Variants in HDHD2 observed in about 807,000 individuals in gnomAD.
The protein encoded by HDHD2 is haloacid dehalogenase-like hydrolase domain-containing protein 2.
HDHD2 carries 26 observed loss-of-function variants against 24.8 expected under a neutral mutation model. That is an observed-to-expected ratio of 1.05 (90% confidence interval 0.77 to 1.45). HDHD2 has a LOEUF of 1.45. Among genes scored for constraint, HDHD2 ranks in the 40% most tolerant of loss-of-function variants. The pLI, the probability that HDHD2 is intolerant of heterozygous loss-of-function variation, is 0.00. For synonymous variants in HDHD2, 128 were observed against 114.9 expected, an observed-to-expected ratio of 1.11 and a Z score of -0.73; for missense variants, 299 against 313.4, an observed-to-expected ratio of 0.95 and a Z score of 0.35.
intron 4 of HDHD2, among the ~76,000 whole-genome samples, chr18:47,122,040 T>C (rs900674987): frequency 2.0e-5 from 3 of 152,192 alleles, no homozygotes; most frequent in Non-Finnish European, 4.4e-5. Context: ...CCTTATCCTA[T>C]TGTGTTTGGT....
intron 6 of HDHD2, chr18:47,110,669 G>A: frequency 1.0e-5 from 10 of 985,320 alleles, no homozygotes; most frequent in Non-Finnish European, 1.2e-5. Flanking sequence ...CGTTCGTTGA[G>A]TGAATGGAGC....
At chr18:47,144,458 G>C (rs72907250) in intron 1 of HDHD2, among the ~76,000 whole-genome samples, 3,997 of 152,232 alleles carry the variant, frequency 0.026, 60 homozygotes, top group Non-Finnish European at 0.041. Flanking sequence ...CAGAGAATTT[G>C]GAACCATAAA....
chr18:47,137,235 C>T (rs952374957), intron 1 of HDHD2: 7 of 604,950 alleles, frequency 1.2e-5, no homozygotes, highest in Non-Finnish European at 2.2e-5. Context: ...ACAGACATAC[C>T]TGCACATTTG....
rs184753256 is a variant in HDHD2 at position 47,110,153 on chromosome 18, C to A, written c.677-1368G>T. On this transcript the variant is annotated intron_variant, in intron 6 of 6. Transcript: ENST00000300605. Reference sequence around the variant, plus strand: ...TCAACAAGAGACCTACTGTTTTCTACAACTACTTTAAGAGGCTTTGCCAGA... The same window carrying A: ...TCAACAAGAGACCTACTGTTTTCTAAAACTACTTTAAGAGGCTTTGCCAGA... The A allele has an allele frequency of 5.4e-4, 536 of 985,400 alleles. 5 individuals carry two copies. The African/African-American group carries it at 8.8e-3, about 16-fold the overall frequency. 61.0% of individuals were successfully genotyped at this position (985,400 alleles called of 1,614,324 possible).
At chr18:47,142,171 A>G (rs1217258747) in intron 1 of HDHD2, among the ~76,000 whole-genome samples, 1 of 152,210 alleles carries the variant, frequency 6.6e-6, no homozygotes, top group Non-Finnish European at 1.5e-5. Context: ...GAACTAGTAC[A>G]GATTTTTAGA....
intron 4 of HDHD2, among the ~76,000 whole-genome samples, chr18:47,126,574 T>C (rs894046037): frequency 1.1e-4 from 17 of 152,138 alleles, no homozygotes; most frequent in African/African-American, 3.9e-4. Flanking sequence ...TTAACAAAAC[T>C]TCAAATACAT....
intron 1 of HDHD2, among the ~76,000 whole-genome samples, chr18:47,142,733 T>C (rs531523735): frequency 1.3e-5 from 2 of 152,328 alleles, no homozygotes; most frequent in South Asian, 4.1e-4. Context: ...CACAGGATCT[T>C]CGATTATCTG....
At chr18:47,122,511 G>GCGGT (rs2063617029) in intron 4 of HDHD2, among the ~76,000 whole-genome samples, 1 of 152,116 alleles carries the variant, frequency 6.6e-6, no homozygotes, top group Non-Finnish European at 1.5e-5. Context: ...GGGCAAAACT[G>GCGGT]TCCCTGATTG....
intron 4 of HDHD2, among the ~76,000 whole-genome samples, chr18:47,124,706 CAAAAAAAAAAAA>C (rs34350751): frequency 2.3e-5 from 1 of 43,370 alleles, no homozygotes; most frequent in Non-Finnish European, 3.9e-5. Context: ...AACTCTGACT[CAAAAAAAAAAAA>C]AAAAAAAAAA....
chr18:47,150,135 T>TCCGCC (rs59657623), intron 1 of HDHD2: 7,987 of 152,278 alleles, frequency 0.052, 257 homozygotes, highest in East Asian at 0.091. Flanking sequence ...AGCTTCACGA[T>TCCGCC]CCGCCCCGCA....
rs1406852466 is a variant in HDHD2, at chr18:47,107,818, G to C, written c.*864C>G. 1 of 152,602 alleles carries C rather than the reference G, an allele frequency of 6.6e-6. No homozygotes were observed. The highest frequency in any genetic ancestry group is 1.9e-4 in the East Asian group (1 of 5,202). 9.5% of individuals were successfully genotyped at this position (152,602 alleles called of 1,614,324 possible). ...AATAATGAAATCTTGCAAATGTACA[G>C]TTAATAGGACCCTAGTGGACACTAA... On this transcript the variant is annotated 3_prime_UTR_variant, in exon 7 of 7. Transcript: ENST00000300605.
At chr18:47,148,358 T>G (rs2144403257) in intron 1 of HDHD2, among the ~76,000 whole-genome samples, 1 of 152,356 alleles carries the variant, frequency 6.6e-6, no homozygotes, top group African/African-American at 2.4e-5. Flanking sequence ...TGTAAAATAC[T>G]AATATAACCC....
chr18:47,115,329 G>A lies in HDHD2; in HGVS notation c.415C>T (p.Pro139Ser), dbSNP rs2063549784. The change falls in exon 5 of 7, where the codon CCT becomes TCT. Residue 139 changes from proline (P) to serine (S), a missense_variant. Pro to Ser is a moderately conservative substitution (Grantham distance 74). Transcript: ENST00000300605. ...CTGGCTTTGTGGATTGCTATCAGAG[G>A]TGCTCCATCCAGGAGTAACCTAGAG... The part of the protein sequence containing the change: ...QAFRLLLDGA[P>S]LIAIHKARYY... 2.5e-6 allele frequency: 4 copies of A among 1,613,656 alleles called. No individual in the cohort carries two copies. The highest frequency in any genetic ancestry group is 1.3e-5 in the African/African-American group (1 of 74,862).
chr18:47,146,209 G>T, intron 1 of HDHD2, among the ~76,000 whole-genome samples: 1 of 138,266 alleles, frequency 7.2e-6, no homozygotes, highest in East Asian at 2.1e-4. Flanking sequence ...CAGCCTGGGC[G>T]ACAGAGCAAG....
intron 3 of HDHD2, among the ~76,000 whole-genome samples, chr18:47,132,808 A>C (rs1339139586): frequency 6.6e-6 from 1 of 152,228 alleles, no homozygotes; most frequent in African/African-American, 2.4e-5. Context: ...TGACTTTTCC[A>C]AAGAGAAACA....
At chr18:47,141,592 T>C (rs1261374178) in intron 1 of HDHD2, among the ~76,000 whole-genome samples, 1 of 152,244 alleles carries the variant, frequency 6.6e-6, no homozygotes, top group African/African-American at 2.4e-5. Flanking sequence ...GTAATCAGTA[T>C]GGGCTCACAG....
chr18:47,125,606 G>A (rs979935765), intron 4 of HDHD2, among the ~76,000 whole-genome samples: 2 of 152,070 alleles, frequency 1.3e-5, no homozygotes, highest in African/African-American at 4.8e-5. Context: ...ACTGGTACAC[G>A]CAAAAACTTG....
chr18:47,131,853 G>C (rs1202592998), intron 3 of HDHD2, among the ~76,000 whole-genome samples: 1 of 152,082 alleles, frequency 6.6e-6, no homozygotes, highest in Admixed American at 6.5e-5. Flanking sequence ...GAATGAACAG[G>C]TCAAAATACT....
At chr18:47,138,877 A>C (rs1005555434) in intron 1 of HDHD2, among the ~76,000 whole-genome samples, 1 of 152,186 alleles carries the variant, frequency 6.6e-6, no homozygotes, top group Non-Finnish European at 1.5e-5. Context: ...AACAATCTAA[A>C]CAGGCCTTAC....
Sources: gnomAD v4.1 joint callset for allele counts (sites outside exome capture counted in the v4.1 genomes callset) on GRCh38, gnomAD v4.1.1 for gene constraint, MANE v1.5 for transcripts, NCBI Gene and HGNC (gene_info 2026-07-23, HGNC 2026-07-21) for gene names.